PTPRQ: variants seen among roughly 807,000 people sequenced by gnomAD.
PTPRQ encodes phosphatidylinositol phosphatase PTPRQ.
PTPRQ carries 199 observed loss-of-function variants against 246.0 expected under a neutral mutation model. That is an observed-to-expected ratio of 0.81 (90% CI 0.72 to 0.91). The LOEUF (loss-of-function observed/expected upper bound fraction) is 0.91. Ranked by LOEUF, PTPRQ falls within the 40% of genes least tolerant of loss-of-function variation. PTPRQ has a pLI of 0.00. For missense variants in PTPRQ, 2,624 were observed against 2,528.4 expected (o/e 1.04, Z -0.81); for synonymous variants, 869 against 853.2 (o/e 1.02, Z -0.32).
intron 34 of PTPRQ, among the ~76,000 whole-genome samples, chr12:80,632,646 A>G (rs1899483795): frequency 6.6e-6 from 1 of 152,200 alleles, no homozygotes; most frequent in Non-Finnish European, 1.5e-5. Flanking sequence ...AACTTGAAGG[A>G]GAGAGGACAG....
At chr12:80,459,621 A>C (rs1322236753) in intron 5 of PTPRQ, 138 bp downstream of exon 5, 2 of 394,534 alleles carry the variant, frequency 5.1e-6, no homozygotes, top group Non-Finnish European at 8.9e-6. Flanking sequence ...GTTATACACA[A>C]CGTTTTATTA....
intron 39 of PTPRQ, among the ~76,000 whole-genome samples, chr12:80,668,426 G>C (rs1342169842): frequency 1.3e-5 from 2 of 151,846 alleles, no homozygotes; most frequent in African/African-American, 4.8e-5. Context: ...AATGCCACTA[G>C]ACTAATGACT....
chr12:80,487,969 A>G (rs1001617305), intron 9 of PTPRQ, among the ~76,000 whole-genome samples: 6 of 152,014 alleles, frequency 3.9e-5, no homozygotes, highest in African/African-American at 1.2e-4. Flanking sequence ...TGGAGGCTTG[A>G]CTAGGGAAGA....
chr12:80,520,356 T>G (rs962450570), intron 17 of PTPRQ, among the ~76,000 whole-genome samples: 1 of 152,170 alleles, frequency 6.6e-6, no homozygotes, highest in Non-Finnish European at 1.5e-5. Context: ...ATATTACTTT[T>G]AATACAATTT....
intron 33 of PTPRQ, among the ~76,000 whole-genome samples, chr12:80,630,226 C>T (rs973024923): frequency 6.6e-6 from 1 of 151,806 alleles, no homozygotes; most frequent in Non-Finnish European, 1.5e-5. Flanking sequence ...TTTAAAGAGC[C>T]TTCTTTTCTC....
chr12:80,579,492 C>G (rs1440954446), intron 25 of PTPRQ, among the ~76,000 whole-genome samples: 2 of 152,118 alleles, frequency 1.3e-5, no homozygotes, highest in African/African-American at 4.8e-5. Context: ...TTAGAGCTCC[C>G]AGATCTTCTT....
chr12:80,636,104 G>T (rs1238291273), intron 35 of PTPRQ, among the ~76,000 whole-genome samples: 1 of 152,140 alleles, frequency 6.6e-6, no homozygotes, highest in African/African-American at 2.4e-5. Context: ...CAAAATGAAG[G>T]TTATTCAATG....
chr12:80,460,394 T>TGTA (rs1311490673), intron 5 of PTPRQ, among the ~76,000 whole-genome samples: 1 of 152,228 alleles, frequency 6.6e-6, no homozygotes, highest in Non-Finnish European at 1.5e-5. Flanking sequence ...ATGATTGTGC[T>TGTA]GTAGTTTTAC....
chr12:80,528,274 CA>C (rs1895748967), intron 17 of PTPRQ, among the ~76,000 whole-genome samples: 1 of 151,974 alleles, frequency 6.6e-6, no homozygotes, highest in Non-Finnish European at 1.5e-5. Flanking sequence ...TATATTCCTC[CA>C]ATAGCCCATT....
intron 9 of PTPRQ, among the ~76,000 whole-genome samples, chr12:80,487,576 G>C (rs1192415759): frequency 6.6e-6 from 1 of 152,008 alleles, no homozygotes; most frequent in Non-Finnish European, 1.5e-5. Context: ...TGTCTTTTTG[G>C]ATAATGGAAC....
In PTPRQ at chr12:80,635,047, G is replaced by A; in HGVS notation, c.5889G>A (p.Leu1963=). ...ATCAGCTCATCACAGTGGCAGACCT[G>A]GAACTGAAGGACGAGAGATTAACGC... ...KLDQLITVAD[L]ELKDERLTRL... The change falls in exon 35 of 45, where the codon CTG becomes CTA. Residue 1963 remains leucine, a synonymous_variant. Coordinates refer to ENST00000644991, the MANE Select transcript of PTPRQ (RefSeq NM_001145026.2). The A allele has an allele frequency of 6.4e-7, 1 of 1,551,044 alleles. No individual in the cohort carries two copies. The highest frequency in any genetic ancestry group is 1.7e-4 in the Middle Eastern group (1 of 5,992).
chr12:80,512,280 T>C (rs1895147656), intron 17 of PTPRQ, among the ~76,000 whole-genome samples: 1 of 152,220 alleles, frequency 6.6e-6, no homozygotes, highest in Non-Finnish European at 1.5e-5. Context: ...TTTTCTTCTA[T>C]ACAGTGATCA....
chr12:80,578,275 G>T (rs1897329161), intron 25 of PTPRQ, among the ~76,000 whole-genome samples: 1 of 139,326 alleles, frequency 7.2e-6, no homozygotes, highest in African/African-American at 2.7e-5. Flanking sequence ...CTGTGTCCAT[G>T]TGTTCTCATT....
intron 3 of PTPRQ, among the ~76,000 whole-genome samples, chr12:80,448,703 C>G (rs566962962): frequency 6.7e-6 from 1 of 149,738 alleles, no homozygotes; most frequent in East Asian, 2.0e-4. Context: ...AGGGCATGAA[C>G]TCATCATTTT....
chr12:80,461,997 T>A (rs773980512), intron 6 of PTPRQ: 19 of 692,576 alleles, frequency 2.7e-5, no homozygotes, highest in Non-Finnish European at 4.5e-5. Context: ...CACTAGGGAG[T>A]GCCAGACAGT....
intron 26 of PTPRQ, among the ~76,000 whole-genome samples, chr12:80,602,628 A>G (rs928494672): frequency 1.3e-5 from 2 of 151,736 alleles, no homozygotes; most frequent in Non-Finnish European, 2.9e-5. Context: ...CCTTAATCCC[A>G]TTCACCATGG....
At chr12:80,510,240 A>C in intron 16 of PTPRQ, 83 bp from the exon 17 acceptor site, 1 of 1,284,630 alleles carries the variant, frequency 7.8e-7, no homozygotes, top group East Asian at 2.9e-5. Flanking sequence ...GAAAGTTTAT[A>C]ATAAAAATTG....
At chr12:80,514,671 T>C (rs1458588693) in intron 17 of PTPRQ, among the ~76,000 whole-genome samples, 2 of 144,738 alleles carry the variant, frequency 1.4e-5, no homozygotes, top group South Asian at 2.1e-4. Context: ...TATATTTGTA[T>C]AATATATATT....
intron 42 of PTPRQ, among the ~76,000 whole-genome samples, chr12:80,671,890 T>A (rs886361820): frequency 5.3e-5 from 8 of 151,966 alleles, no homozygotes; most frequent in South Asian, 2.1e-4. Flanking sequence ...CCCACACTCC[T>A]CACTGTACTC....
Sources: gnomAD v4.1 joint callset for allele counts (sites outside exome capture counted in the v4.1 genomes callset) on GRCh38, gnomAD v4.1.1 for gene constraint, MANE v1.5 for transcripts, NCBI Gene and HGNC (gene_info 2026-07-23, HGNC 2026-07-21) for gene names.